The following FOXP2 variants were observed in gnomAD, a reference collection of about 807,000 sequenced individuals.
FOXP2 encodes the protein forkhead box P2, also known as forkhead box protein P2.
FOXP2 carries 12 observed loss-of-function variants against 115.8 expected under a neutral mutation model. The ratio of observed to expected loss-of-function variants is 0.10; its 90% CI spans 0.07 to 0.17. The LOEUF is 0.17. FOXP2 is among the 10% of genes least tolerant of loss of function. FOXP2 has a pLI of 1.00. For missense variants in FOXP2, 629 were observed against 843.5 expected, an observed-to-expected ratio of 0.75 and a Z score of 3.15; for synonymous variants, 328 against 297.7, an observed-to-expected ratio of 1.10 and a Z score of -1.05.
intron 2 of FOXP2, among the ~76,000 whole-genome samples, chr7:114,390,225 G>A (rs1416364958): frequency 1.3e-5 from 2 of 151,944 alleles, no homozygotes; most frequent in Admixed American, 1.3e-4. Flanking sequence ...TGAATAATGA[G>A]TCATTATTAT....
chr7:114,415,793 G>A (rs1201324312), intron 1 of FOXP2, among the ~76,000 whole-genome samples: 1 of 151,926 alleles, frequency 6.6e-6, no homozygotes, highest in Admixed American at 6.6e-5. Flanking sequence ...TCTCTGTGCC[G>A]TGCTGTGTAG....
At chr7:114,603,885 A>G (rs953308607) in intron 3 of FOXP2, among the ~76,000 whole-genome samples, 27 of 152,230 alleles carry the variant, frequency 1.8e-4, no homozygotes, top group Admixed American at 1.1e-3. Flanking sequence ...GCTTCACAGC[A>G]TGGTATTTTA....
In FOXP2 at chr7:114,363,588, C is replaced by G. The variant is rs567839892; in HGVS notation, c.-10-62914C>G. On this transcript the variant is annotated intron_variant, in intron 2 of 17. Coordinates refer to the FOXP2 transcript ENST00000634411. ...ACAAATATGCACAGAGATATAGAAC[C>G]AAGAGGGGGTGGCAGCTAAATAAAT... 1.2e-3 allele frequency among the ~76,000 whole-genome samples: 182 copies of G among 152,036 alleles called. 1 individual carries two copies. Among genetic ancestry groups the G allele is most frequent in the Middle Eastern group, 6.8e-3 (2 of 294 alleles).
intron 1 of FOXP2, among the ~76,000 whole-genome samples, chr7:114,094,342 A>G (rs1799600679): frequency 6.6e-6 from 1 of 152,222 alleles, no homozygotes; most frequent in Non-Finnish European, 1.5e-5. Flanking sequence ...ATATTTTCAT[A>G]TAAGCATAAT....
At chr7:114,475,996 T>G (rs2129233621) in intron 2 of FOXP2, among the ~76,000 whole-genome samples, 1 of 152,026 alleles carries the variant, frequency 6.6e-6, no homozygotes, top group African/African-American at 2.4e-5. Flanking sequence ...ACATTCAAAC[T>G]AATATCTATA....
intron 2 of FOXP2, among the ~76,000 whole-genome samples, chr7:114,448,243 AT>A (rs1426388052): frequency 6.6e-6 from 1 of 152,154 alleles, no homozygotes; most frequent in East Asian, 1.9e-4. Context: ...TCAAAATTTG[AT>A]TTTTTATAAT....
At chr7:114,111,017 G>T (rs1791254573) in intron 1 of FOXP2, among the ~76,000 whole-genome samples, 2 of 152,074 alleles carry the variant, frequency 1.3e-5, no homozygotes, top group Admixed American at 1.3e-4. Context: ...AGATAGGAAA[G>T]AAACTTTGTT....
chr7:114,239,183 T>A (rs1795091061), intron 1 of FOXP2, among the ~76,000 whole-genome samples: 1 of 151,864 alleles, frequency 6.6e-6, no homozygotes. Flanking sequence ...TTTTCTTTTT[T>A]CTTGTGAAAA....
intron 2 of FOXP2, among the ~76,000 whole-genome samples, chr7:114,338,651 C>T (rs552089721): frequency 6.6e-6 from 1 of 150,718 alleles, no homozygotes; most frequent in South Asian, 2.1e-4. Flanking sequence ...TATTTATTTG[C>T]AGAGCATAAG....
At chr7:114,431,124 G>A (rs1794089531) in intron 2 of FOXP2, among the ~76,000 whole-genome samples, 1 of 151,902 alleles carries the variant, frequency 6.6e-6, no homozygotes, top group African/African-American at 2.4e-5. Flanking sequence ...TGTCTTGCAT[G>A]AAAGCATTTA....
At chr7:114,463,310 G>C (rs574409659) in intron 2 of FOXP2, 1 of 216,154 alleles carries the variant, frequency 4.6e-6, no homozygotes, top group South Asian at 5.3e-5. Context: ...TGAATGTTTA[G>C]AACAGTGCTT....
At chr7:114,214,227 G>A (rs1348174396) in intron 1 of FOXP2, among the ~76,000 whole-genome samples, 1 of 152,106 alleles carries the variant, frequency 6.6e-6, no homozygotes, top group East Asian at 1.9e-4. Flanking sequence ...AGAGAGATTA[G>A]ATGACTACCT....
At chr7:114,246,411 T>C (rs1357546826) in intron 1 of FOXP2, among the ~76,000 whole-genome samples, 3 of 152,144 alleles carry the variant, frequency 2.0e-5, no homozygotes, top group Non-Finnish European at 4.4e-5. Flanking sequence ...GAGTCTTTTT[T>C]AGTTGCAACT....
At chr7:114,306,283 A>G (rs1035783558) in intron 2 of FOXP2, among the ~76,000 whole-genome samples, 2 of 152,102 alleles carry the variant, frequency 1.3e-5, no homozygotes, top group Non-Finnish European at 2.9e-5. Flanking sequence ...CCACATGAAC[A>G]TTAGTTTCCT....
At chr7:114,449,846 G>T (rs1458011802) in intron 2 of FOXP2, among the ~76,000 whole-genome samples, 1 of 151,960 alleles carries the variant, frequency 6.6e-6, no homozygotes, top group Admixed American at 6.6e-5. Flanking sequence ...TAACAGAAAT[G>T]ATTTATGTTG....
chr7:114,179,729 A>C (rs1793409279), intron 1 of FOXP2, among the ~76,000 whole-genome samples: 1 of 152,056 alleles, frequency 6.6e-6, no homozygotes. Flanking sequence ...ATAATCTTTT[A>C]AAAGTCAAAA....
chr7:114,368,064 T>G (rs914916951), intron 2 of FOXP2, among the ~76,000 whole-genome samples: 12 of 152,334 alleles, frequency 7.9e-5, no homozygotes, highest in South Asian at 2.1e-4. Flanking sequence ...AACAGCTGTC[T>G]GATTTTAAAA....
chr7:114,110,122 C>T (rs1421457099), intron 1 of FOXP2, among the ~76,000 whole-genome samples: 1 of 152,142 alleles, frequency 6.6e-6, no homozygotes, highest in Non-Finnish European at 1.5e-5. Context: ...ATCATAATTA[C>T]AGCCAGAAGG....
chr7:114,442,050 G>A (rs1004751145), intron 2 of FOXP2, among the ~76,000 whole-genome samples: 1 of 151,982 alleles, frequency 6.6e-6, no homozygotes, highest in East Asian at 1.9e-4. Flanking sequence ...TATTTATAAA[G>A]GATATATAGC....
Sources: gnomAD v4.1 joint callset for allele counts (sites outside exome capture counted in the v4.1 genomes callset) on GRCh38, gnomAD v4.1.1 for gene constraint, MANE v1.5 for transcripts, NCBI Gene and HGNC (gene_info 2026-07-23, HGNC 2026-07-21) for gene names.